Variants in SYN2 observed in about 807,000 individuals in gnomAD.
SYN2 encodes synapsin-2.
SYN2 carries 19 observed loss-of-function variants against 50.9 expected under a neutral mutation model. The ratio of observed to expected loss-of-function variants is 0.37; its 90% CI spans 0.26 to 0.55. The LOEUF (loss-of-function observed/expected upper bound fraction) is 0.55, where lower values mean the gene tolerates loss of function less well. SYN2 is among the 20% of genes least tolerant of loss of function. The pLI is 0.81. For missense variants in SYN2, 587 were observed against 576.4 expected (o/e 1.02, Z -0.19); for synonymous variants, 255 against 224.9 (o/e 1.13, Z -1.20).
chr3:12,067,627 AAAAG>A (rs1437799954), intron 1 of SYN2, among the ~76,000 whole-genome samples: 1 of 151,968 alleles, frequency 6.6e-6, no homozygotes, highest in Non-Finnish European at 1.5e-5. Context: ...AAAAAAAAAA[AAAAG>A]GAAAGAAAGA....
chr3:12,175,698 A>C (rs1032617273), intron 10 of SYN2, among the ~76,000 whole-genome samples: 1 of 152,240 alleles, frequency 6.6e-6, no homozygotes, highest in African/African-American at 2.4e-5. Context: ...AAATGGGGAC[A>C]GGGAGCTGGG....
chr3:12,155,367 T>C (rs1697424946), intron 5 of SYN2, among the ~76,000 whole-genome samples: 1 of 151,718 alleles, frequency 6.6e-6, no homozygotes, highest in African/African-American at 2.4e-5. Context: ...ATGGAAGGAG[T>C]GTGGGGCAAA....
chr3:12,054,536 A>G (rs1398243708), intron 1 of SYN2, among the ~76,000 whole-genome samples: 1 of 152,102 alleles, frequency 6.6e-6, no homozygotes, highest in African/African-American at 2.4e-5. Flanking sequence ...GATTCAACCA[A>G]TTACTTACAT....
chr3:12,071,960 G>C lies in SYN2; in HGVS notation c.377+67032G>C, dbSNP rs113109809. Among the ~76,000 whole-genome samples, 587 of 152,134 alleles carry C rather than the reference G, an allele frequency of 3.9e-3. 1 individual carries two copies. The highest frequency in any genetic ancestry group is 0.024 in the Middle Eastern group (7 of 294). On this transcript the variant is annotated intron_variant, in intron 1 of 12. Transcript: ENST00000621198. ...GTATTAATCCTTTTAATTTATGTAA[G>C]GTTTTTTTGTATGCAATTCTCAATT...
chr3:12,148,566 TC>T (rs1487261468), intron 4 of SYN2: 1 of 152,192 alleles, frequency 6.6e-6, no homozygotes, highest in Non-Finnish European at 1.5e-5. Context: ...CATTGCTGTC[TC>T]TGAAGTTGGT....
rs751433622 is a variant in SYN2 at position 12,167,252 on chromosome 3, G to C, written c.999G>C (p.Gly333=). The C allele has an allele frequency of 1.2e-6, 2 of 1,613,052 alleles. No homozygotes were observed. The stretch of plus-strand genomic sequence containing the variant: ...GTTGCAGGAGGACATCGATCTCAGG[G>C]AACTGGAAGACGAACACTGGCTCTG... ...YKAYMRTSIS[G]NWKTNTGSAM... Residue 333 remains glycine, a synonymous_variant, in exon 8 of 13, where the codon GGG becomes GGC. Transcript: ENST00000621198.
At chr3:12,049,598 A>T (rs1694812975) in intron 1 of SYN2, among the ~76,000 whole-genome samples, 1 of 152,278 alleles carries the variant, frequency 6.6e-6, no homozygotes, top group African/African-American at 2.4e-5. Flanking sequence ...AGTGCTATAG[A>T]TGGCTTGGGA....
intron 1 of SYN2, among the ~76,000 whole-genome samples, chr3:12,042,600 G>C (rs1316669940): frequency 2.6e-5 from 4 of 152,164 alleles, no homozygotes; most frequent in Non-Finnish European, 2.9e-5. Flanking sequence ...GGTGTAGTGG[G>C]TTGAATAGTG....
At chr3:12,093,819 T>C (rs1357491785) in intron 1 of SYN2, among the ~76,000 whole-genome samples, 1 of 151,972 alleles carries the variant, frequency 6.6e-6, no homozygotes, top group African/African-American at 2.4e-5. Context: ...CTGCCTTTTC[T>C]CCTTTCTCTA....
chr3:12,163,383 A>C, intron 7 of SYN2, among the ~76,000 whole-genome samples: 1 of 150,464 alleles, frequency 6.6e-6, no homozygotes, highest in Non-Finnish European at 1.5e-5. Flanking sequence ...TCTCTTCCCC[A>C]CCTGTGTCTG....
chr3:12,157,622 T>C (rs1484402262), intron 5 of SYN2: 3 of 726,180 alleles, frequency 4.1e-6, no homozygotes, highest in African/African-American at 3.5e-5. Context: ...CAACGTGATG[T>C]GTGAGAAGGG....
intron 1 of SYN2, among the ~76,000 whole-genome samples, chr3:12,112,646 T>C (rs987841112): frequency 6.6e-6 from 1 of 152,174 alleles, no homozygotes; most frequent in Admixed American, 6.5e-5. Flanking sequence ...ATTATATAGA[T>C]TTTCTAGATG....
chr3:12,176,617 T>C (rs1698075384), intron 10 of SYN2, among the ~76,000 whole-genome samples: 1 of 152,202 alleles, frequency 6.6e-6, no homozygotes, highest in African/African-American at 2.4e-5. Flanking sequence ...CTGAAATGTT[T>C]CCAGTCTGAG....
chr3:12,158,890 C>T lies in SYN2; in HGVS notation c.775-2656C>T, dbSNP rs371332507. ...CTGTGAGGTCTGGGGGACTGGACGGCCCCAGCAGGGCTCCTTCCCAAGGCC... is the reference window on the plus strand; with the variant it reads ...CTGTGAGGTCTGGGGGACTGGACGGTCCCAGCAGGGCTCCTTCCCAAGGCC... On this transcript the variant is annotated intron_variant, in intron 5 of 12. Coordinates refer to ENST00000621198, the MANE Select transcript of SYN2 (RefSeq NM_133625.6). 6,208 of 1,476,938 alleles carry T rather than the reference C, an allele frequency of 4.2e-3. 27 individuals carry two copies. Among genetic ancestry groups the T allele is most frequent in the Non-Finnish European group, 5.0e-3 (5,540 of 1,115,494 alleles). The allele number at this position is 1,476,938 out of a possible 1,614,324, so 91.5% of individuals were successfully genotyped here. A position where few individuals can be genotyped will look rare whatever the true frequency, so the allele number is the denominator to read the frequency against.
chr3:12,075,539 C>T (rs761865935), intron 1 of SYN2, among the ~76,000 whole-genome samples: 22 of 152,066 alleles, frequency 1.4e-4, no homozygotes, highest in Non-Finnish European at 2.6e-4. Context: ...AAATAACCTG[C>T]AGTCCACATT....
chr3:12,148,100 C>T (rs541306662), intron 4 of SYN2, among the ~76,000 whole-genome samples: 5 of 151,558 alleles, frequency 3.3e-5, no homozygotes, highest in Non-Finnish European at 7.4e-5. Flanking sequence ...GGCGACAGAG[C>T]GAGACTCTGT....
chr3:12,151,777 G>A (rs1016803691), intron 5 of SYN2, among the ~76,000 whole-genome samples: 3 of 152,166 alleles, frequency 2.0e-5, no homozygotes, highest in Non-Finnish European at 4.4e-5. Context: ...GGGAAAGTGT[G>A]AAGCATCTAC....
chr3:12,117,793 TGGC>T (rs1368157190), intron 1 of SYN2, among the ~76,000 whole-genome samples: 1 of 152,196 alleles, frequency 6.6e-6, no homozygotes, highest in Non-Finnish European at 1.5e-5. Flanking sequence ...GCCCTGAAGT[TGGC>T]AGCATCTTCC....
At chr3:12,045,723 C>T (rs1694723946) in intron 1 of SYN2, among the ~76,000 whole-genome samples, 3 of 152,124 alleles carry the variant, frequency 2.0e-5, no homozygotes, top group African/African-American at 7.2e-5. Flanking sequence ...GTGCTCATGG[C>T]GAACTGATTT....
Sources: allele counts gnomAD v4.1 joint callset (sites outside exome capture counted in the v4.1 genomes callset), GRCh38; gene constraint gnomAD v4.1.1; transcripts MANE v1.5; gene names NCBI Gene and HGNC (gene_info 2026-07-23, HGNC 2026-07-21).